DNAAF9: variants seen among roughly 807,000 people sequenced by gnomAD.
DNAAF9 encodes the protein shulin.
In DNAAF9, 90 loss-of-function variants were observed where a neutral mutation model predicts 167.0. The ratio of observed to expected loss-of-function variants is 0.54; its 90% CI spans 0.45 to 0.64. The LOEUF is 0.64. Among genes scored for constraint, DNAAF9 ranks in the 30% least tolerant of loss-of-function variants. The pLI is 0.00. For missense variants in DNAAF9, 1,315 were observed against 1,442.2 expected, an observed-to-expected ratio of 0.91 and a Z score of 1.43; for synonymous variants, 491 against 508.8, an observed-to-expected ratio of 0.96 and a Z score of 0.47.
At chr20:3,294,000 T>G (rs942992987) in intron 25 of DNAAF9, 139 bp downstream of exon 25, 2 of 638,144 alleles carry the variant, frequency 3.1e-6, no homozygotes, top group East Asian at 5.1e-5. Context: ...TCATTACATT[T>G]CAGGATCCAA....
Position 3,293,292 on chromosome 20 carries a change from C to CAAAAAAAAAAAAAAAAAA in DNAAF9, c.2238+829_2238+846dup, listed in dbSNP as rs1172725572. On this transcript the variant is annotated intron_variant, in intron 25 of 36. Transcript: ENST00000252032. ...TGGGCAACAGAGGGAGACTCCGTCT[C>CAAAAAAAAAAAAAAAAAA]AAAAAAAAAAAAAAAAAAAAAAAAA... 1.3e-4 allele frequency among the ~76,000 whole-genome samples: 3 copies of CAAAAAAAAAAAAAAAAAA among 22,862 alleles called. 1 individual carries two copies. In the Admixed American group the frequency reaches 2.2e-3, roughly 17 times the overall value. 15.0% of individuals were successfully genotyped at this position (22,862 alleles called of 152,430 possible). A position where few individuals can be genotyped will look rare whatever the true frequency, so the allele number is the denominator to read the frequency against.
At chr20:3,377,132 G>A (rs1044120963) in intron 3 of DNAAF9, among the ~76,000 whole-genome samples, 12 of 152,276 alleles carry the variant, frequency 7.9e-5, no homozygotes, top group South Asian at 2.1e-4. Flanking sequence ...TAAGATAAGC[G>A]GTTGTGGAGA....
At chr20:3,294,456 G>T in intron 24 of DNAAF9, 72 bp downstream of exon 24, 1 of 1,042,412 alleles carries the variant, frequency 9.6e-7, no homozygotes, top group Non-Finnish European at 1.5e-6. Context: ...GAGCTTAAAA[G>T]GACCAACACT....
At chr20:3,361,237 T>C (rs1263090370) in intron 6 of DNAAF9, among the ~76,000 whole-genome samples, 3 of 152,152 alleles carry the variant, frequency 2.0e-5, no homozygotes, top group African/African-American at 7.2e-5. Flanking sequence ...GGGAAAGCTC[T>C]GAATTCCTCA....
intron 1 of DNAAF9, among the ~76,000 whole-genome samples, chr20:3,394,247 A>G (rs1393065328): frequency 6.6e-6 from 1 of 151,846 alleles, no homozygotes; most frequent in Non-Finnish European, 1.5e-5. Context: ...CTGAGGCAGG[A>G]GAATCACTTG....
At chr20:3,268,763 CAAACA>C (rs1192023724) in intron 30 of DNAAF9, among the ~76,000 whole-genome samples, 2 of 151,978 alleles carry the variant, frequency 1.3e-5, no homozygotes, top group East Asian at 3.8e-4. Flanking sequence ...CTGAATTGAG[CAAACA>C]AAACAGCTAT....
intron 16 of DNAAF9, among the ~76,000 whole-genome samples, chr20:3,320,904 T>C (rs2069603296): frequency 6.6e-6 from 1 of 152,170 alleles, no homozygotes; most frequent in South Asian, 2.1e-4. Context: ...AGACTCAAGA[T>C]ATAACACACA....
intron 33 of DNAAF9, among the ~76,000 whole-genome samples, chr20:3,258,627 C>A (rs945753177): frequency 7.9e-5 from 12 of 152,116 alleles, no homozygotes; most frequent in Non-Finnish European, 1.6e-4. Context: ...ACCTGTAGCA[C>A]CACTTGGCAA....
At chr20:3,394,942 CTTTTTTCTTTTTTTTTT>C (rs2083880657) in intron 1 of DNAAF9, among the ~76,000 whole-genome samples, 3 of 89,056 alleles carry the variant, frequency 3.4e-5, no homozygotes, top group East Asian at 4.1e-4. Flanking sequence ...TGAACATTTT[CTTTTTTCTTTTTTTTTT>C]TTTTTTTTTT....
At chr20:3,261,284 T>C (rs2122754439) in intron 31 of DNAAF9, among the ~76,000 whole-genome samples, 1 of 151,834 alleles carries the variant, frequency 6.6e-6, no homozygotes, top group Admixed American at 6.6e-5. Flanking sequence ...TGATCCTCCC[T>C]CCACAGCCTC....
chr20:3,318,616 A>G (rs2069552624), intron 16 of DNAAF9, among the ~76,000 whole-genome samples: 1 of 152,122 alleles, frequency 6.6e-6, no homozygotes, highest in African/African-American at 2.4e-5. Context: ...GATCAGAGAC[A>G]CCCTTGGGCT....
At chr20:3,364,940 C>CTTTTT (rs73616151) in intron 6 of DNAAF9, among the ~76,000 whole-genome samples, 1 of 143,032 alleles carries the variant, frequency 7.0e-6, no homozygotes. Flanking sequence ...CCTTCTTTTC[C>CTTTTT]TTTTTTCTTT....
In DNAAF9 at chr20:3,251,377, A is replaced by C. The variant is rs551920785; in HGVS notation, c.*1195T>G. On this transcript the variant is annotated 3_prime_UTR_variant, in exon 37 of 37. Coordinates refer to ENST00000252032, the MANE Select transcript of DNAAF9 (RefSeq NM_001009984.3). ...TATGTGAAATTCAGAAAACATTTAC[A>C]GTTCAGGCAGCTGAGGCACTGAAGT... 1.8e-4 allele frequency: 28 copies of C among 152,294 alleles called. No homozygotes were observed. The highest frequency in any genetic ancestry group is 6.7e-4 in the African/African-American group (28 of 41,558). The allele number at this position is 152,294 out of a possible 1,614,324, so 9.4% of individuals were successfully genotyped here. A position where few individuals can be genotyped will look rare whatever the true frequency, so the allele number is the denominator to read the frequency against.
At chr20:3,360,404 ACTGTGC>A in intron 6 of DNAAF9, among the ~76,000 whole-genome samples, 1 of 152,342 alleles carries the variant, frequency 6.6e-6, no homozygotes, top group East Asian at 1.9e-4. Flanking sequence ...AGTGTGAGCC[ACTGTGC>A]CTGGCCCCCA....
chr20:3,338,896 C>T (rs1057280466), intron 10 of DNAAF9, among the ~76,000 whole-genome samples: 6 of 152,176 alleles, frequency 3.9e-5, no homozygotes, highest in African/African-American at 1.4e-4. Context: ...TCAGGCAATC[C>T]ACCTGCCTCG....
intron 15 of DNAAF9, among the ~76,000 whole-genome samples, 186 bp downstream of exon 15, chr20:3,322,466 G>A (rs2069633670): frequency 6.6e-6 from 1 of 152,144 alleles, no homozygotes. Flanking sequence ...CTGCCCCTCA[G>A]CTCTGCAGTG....
rs184053665 is a variant in DNAAF9 at position 3,285,007 on chromosome 20, C to T, written c.2486+2625G>A. On this transcript the variant is annotated intron_variant, in intron 27 of 36. Transcript: ENST00000252032. ...GTTGCCCTTTTATAAACATGCCCAC[C>T]TCCCTCCTGCCCTCCACTCCCATTC... Among the ~76,000 whole-genome samples, 1,056 of 152,222 alleles carry T rather than the reference C, an allele frequency of 6.9e-3. 10 individuals carry two copies. Among genetic ancestry groups the T allele is most frequent in the Non-Finnish European group, 9.0e-3 (613 of 68,012 alleles).
At chr20:3,363,325 G>A (rs1211767185) in intron 6 of DNAAF9, among the ~76,000 whole-genome samples, 10 of 150,032 alleles carry the variant, frequency 6.7e-5, no homozygotes, top group Non-Finnish European at 1.2e-4. Flanking sequence ...CTGGCCAGGC[G>A]TGGTGGCTCA....
In DNAAF9 at chr20:3,340,433, TC is replaced by T. The variant is rs1200300446; in HGVS notation, c.981+70del. Reference sequence around the variant, plus strand: ...CTGGAAAAGGTTCTTTTTGTCTAGCTCCCCCCACCCACCCCACCCCCACAAC... The same window carrying T: ...CTGGAAAAGGTTCTTTTTGTCTAGCTCCCCCACCCACCCCACCCCCACAAC... On this transcript the variant is annotated intron_variant, in intron 10 of 36. Transcript: ENST00000252032. The T allele has an allele frequency of 2.5e-4, 55 of 223,196 alleles. 3 individuals are homozygous for T. Among genetic ancestry groups the T allele is most frequent in the South Asian group, 3.5e-4 (6 of 17,076 alleles). The allele number at this position is 223,196 out of a possible 1,614,324, so 13.8% of individuals were successfully genotyped here.
Sources: allele counts gnomAD v4.1 joint callset (sites outside exome capture counted in the v4.1 genomes callset), GRCh38; gene constraint gnomAD v4.1.1; transcripts MANE v1.5; gene names NCBI Gene and HGNC (gene_info 2026-07-23, HGNC 2026-07-21).